Variants in NLN observed in about 807,000 individuals in gnomAD.
NLN encodes neurolysin.
NLN carries 64 observed loss-of-function variants against 79.9 expected under a neutral mutation model. The observed-to-expected ratio is 0.80, with a 90% CI of 0.65 to 0.99. The LOEUF (loss-of-function observed/expected upper bound fraction) is 0.99. Ranked by LOEUF, NLN falls within the 50% of genes least tolerant of loss-of-function variation. The probability of loss-of-function intolerance (pLI) is 0.00; values close to 1 mark genes in which losing one functional copy is unlikely to be tolerated. For synonymous variants in NLN, 267 were observed against 296.6 expected, an observed-to-expected ratio of 0.90 and a Z score of 1.02; for missense variants, 835 against 858.7, an observed-to-expected ratio of 0.97 and a Z score of 0.34.
In NLN at chr5:65,780,158, G is replaced by A. The variant is rs367564122; in HGVS notation, c.559-21G>A. ...AGTTTCTTTTTATTGCTAATGCCCT[G>A]TATTTTTATCTTCCTTTCAGGAAAT... On this transcript the variant is annotated intron_variant, in intron 4 of 12. Coordinates refer to ENST00000380985, the MANE Select transcript of NLN (RefSeq NM_020726.5). 3.1e-6 allele frequency: 3 copies of A among 973,006 alleles called. No individual in the cohort carries two copies. The African/African-American group carries it at 4.9e-5, about 16-fold the overall frequency. The allele number at this position is 973,006 out of a possible 1,614,324, so 60.3% of individuals were successfully genotyped here.
intron 2 of NLN, among the ~76,000 whole-genome samples, chr5:65,759,433 T>C (rs1759294476): frequency 6.6e-6 from 1 of 151,944 alleles, no homozygotes; most frequent in Admixed American, 6.6e-5. Flanking sequence ...TATATATATA[T>C]ATAAACATAT....
At chr5:65,820,716 G>GTTT (rs71774741) in intron 12 of NLN, among the ~76,000 whole-genome samples, 1 of 128,986 alleles carries the variant, frequency 7.8e-6, no homozygotes, top group Non-Finnish European at 1.8e-5. Context: ...GAAATGACAT[G>GTTT]TTTTTTTTTG....
intron 1 of NLN, among the ~76,000 whole-genome samples, chr5:65,740,123 G>T (rs146897816): frequency 6.6e-6 from 1 of 152,028 alleles, no homozygotes. Context: ...TTCATTTTCT[G>T]TTGCCATAAT....
Position 65,777,410 on chromosome 5 carries a change from A to G in NLN, c.451-17A>G. 6.6e-7 allele frequency: 1 copy of G among 1,519,184 alleles called. No homozygotes were observed. The highest frequency in any genetic ancestry group is 9.1e-7 in the Non-Finnish European group (1 of 1,094,806). 94.1% of individuals were successfully genotyped at this position (1,519,184 alleles called of 1,614,324 possible). A position where few individuals can be genotyped will look rare whatever the true frequency, so the allele number is the denominator to read the frequency against. The stretch of plus-strand genomic sequence containing the variant: ...CACTGTTTCAACCGAAATGGTTTTC[A>G]TGCTCTTTAATTTCAGGAAACCTGT... On this transcript the variant is annotated splice_polypyrimidine_tract_variant and intron_variant, in intron 3 of 12. Transcript: ENST00000380985.
intron 9 of NLN, 76 bp from the exon 10 acceptor site, chr5:65,809,439 T>C: frequency 7.8e-7 from 1 of 1,276,226 alleles, no homozygotes. Flanking sequence ...TAAGTTTTCG[T>C]GACTCTTAAT....
chr5:65,784,795 A>G (rs538429398), intron 6 of NLN, among the ~76,000 whole-genome samples: 17 of 152,164 alleles, frequency 1.1e-4, no homozygotes, highest in Admixed American at 7.9e-4. Flanking sequence ...CATCTTCCTT[A>G]ACTGAAACTC....
chr5:65,789,795 A>G (rs1760016105), intron 8 of NLN, among the ~76,000 whole-genome samples: 1 of 152,208 alleles, frequency 6.6e-6, no homozygotes, highest in Non-Finnish European at 1.5e-5. Context: ...TTATTAGATA[A>G]TCTGTCTGCC....
rs1400075229 is a variant in NLN, at chr5:65,734,339, G to A, written c.41+11925G>A. ...GGAAGCACACGGTCATGTGTTTCAGGCACGTGCTGACTGTGAGTGGAAAAA... is the reference window on the plus strand; with the variant it reads ...GGAAGCACACGGTCATGTGTTTCAGACACGTGCTGACTGTGAGTGGAAAAA... On this transcript the variant is annotated intron_variant, in intron 1 of 12. Transcript: ENST00000380985. 2.2e-5 allele frequency among the ~76,000 whole-genome samples: 3 copies of A among 137,690 alleles called. 1 individual carries two copies. Among genetic ancestry groups the A allele is most frequent in the Non-Finnish European group, 1.6e-5 (1 of 62,804 alleles). The allele number at this position is 137,690 out of a possible 152,430, so 90.3% of individuals were successfully genotyped here. A position where few individuals can be genotyped will look rare whatever the true frequency, so the allele number is the denominator to read the frequency against.
intron 9 of NLN, among the ~76,000 whole-genome samples, chr5:65,806,674 C>G (rs140301938): frequency 6.6e-6 from 1 of 152,114 alleles, no homozygotes; most frequent in Non-Finnish European, 1.5e-5. Context: ...CTATGAATAT[C>G]GTTGAAATGA....
intron 9 of NLN, among the ~76,000 whole-genome samples, chr5:65,803,723 A>C (rs1162302427): frequency 6.6e-6 from 1 of 151,910 alleles, no homozygotes; most frequent in African/African-American, 2.4e-5. Flanking sequence ...CCAAGAGCAC[A>C]GGCATACCTG....
At chr5:65,818,567 T>C (rs550587104) in intron 12 of NLN, among the ~76,000 whole-genome samples, 1 of 152,344 alleles carries the variant, frequency 6.6e-6, no homozygotes, top group South Asian at 2.1e-4. Flanking sequence ...CCAGTTTTTT[T>C]CTCTCCCTCC....
chr5:65,750,010 C>T (rs1164525802), intron 1 of NLN, among the ~76,000 whole-genome samples: 1 of 152,156 alleles, frequency 6.6e-6, no homozygotes, highest in African/African-American at 2.4e-5. Flanking sequence ...TTCTCCCTTC[C>T]TCTGTTTCTC....
intron 1 of NLN, among the ~76,000 whole-genome samples, chr5:65,729,181 G>C (rs967838598): frequency 1.3e-4 from 19 of 151,948 alleles, no homozygotes; most frequent in African/African-American, 4.1e-4. Flanking sequence ...AATATTTACA[G>C]GTCTAAGTGT....
intron 9 of NLN, among the ~76,000 whole-genome samples, chr5:65,800,244 G>T (rs1224764644): frequency 6.6e-6 from 1 of 152,168 alleles, no homozygotes; most frequent in Non-Finnish European, 1.5e-5. Context: ...TAGGACTTCC[G>T]AAGCTTCAAT....
intron 11 of NLN, among the ~76,000 whole-genome samples, 181 bp from the exon 12 acceptor site, chr5:65,812,074 A>G (rs1241677786): frequency 1.3e-5 from 2 of 152,166 alleles, no homozygotes; most frequent in African/African-American, 2.4e-5. Flanking sequence ...TGAGCCATTG[A>G]TAGATGTTTA....
chr5:65,723,484 A>C (rs1227828240), intron 1 of NLN, among the ~76,000 whole-genome samples: 1 of 152,158 alleles, frequency 6.6e-6, no homozygotes, highest in Non-Finnish European at 1.5e-5. Flanking sequence ...GACTTCACAT[A>C]ATGCAGGGGT....
chr5:65,786,002 C>A, intron 7 of NLN, 92 bp downstream of exon 7: 2 of 1,129,544 alleles, frequency 1.8e-6, no homozygotes, highest in South Asian at 2.9e-5. Context: ...TGAGGACATC[C>A]TACTTTTCCT....
intron 8 of NLN, among the ~76,000 whole-genome samples, chr5:65,789,245 A>C (rs891304013): frequency 6.6e-6 from 1 of 152,220 alleles, no homozygotes; most frequent in Admixed American, 6.5e-5. Flanking sequence ...ATCATCATTT[A>C]CTAGGTAGGT....
intron 8 of NLN, among the ~76,000 whole-genome samples, chr5:65,791,969 T>G (rs902299454): frequency 4.6e-5 from 7 of 152,168 alleles, no homozygotes; most frequent in Non-Finnish European, 8.8e-5. Context: ...TAAAAGAAGC[T>G]TATTTAATTG....
Sources: allele counts gnomAD v4.1 joint callset (sites outside exome capture counted in the v4.1 genomes callset), GRCh38; gene constraint gnomAD v4.1.1; transcripts MANE v1.5; gene names NCBI Gene and HGNC (gene_info 2026-07-23, HGNC 2026-07-21).